DIAPH3: variants seen among roughly 807,000 people sequenced by gnomAD.
DIAPH3 encodes protein diaphanous homolog 3.
A neutral mutation model predicts 144.3 loss-of-function variants in DIAPH3; 117 were observed. That is an observed-to-expected ratio of 0.81 (90% CI 0.70 to 0.95). The LOEUF (loss-of-function observed/expected upper bound fraction) is 0.95. Among genes scored for constraint, DIAPH3 ranks in the 40% least tolerant of loss-of-function variants. The pLI is 0.00. For synonymous variants in DIAPH3, 519 were observed against 488.9 expected (o/e 1.06, Z -0.81); for missense variants, 1,421 against 1,412.7 (o/e 1.01, Z -0.09).
At chr13:60,147,202 C>T (rs1202124284) in intron 1 of DIAPH3, 1 of 152,126 alleles carries the variant, frequency 6.6e-6, no homozygotes, top group Non-Finnish European at 1.5e-5. Context: ...CCAAGAATAC[C>T]ATAGGAAAAT....
intron 25 of DIAPH3, among the ~76,000 whole-genome samples, chr13:59,796,567 T>A (rs1425019596): frequency 6.6e-6 from 1 of 152,216 alleles, no homozygotes; most frequent in East Asian, 1.9e-4. Context: ...AACTATGAGA[T>A]TCATAAATGA....
At chr13:60,137,665 A>G (rs1301583987) in intron 1 of DIAPH3, among the ~76,000 whole-genome samples, 3 of 151,300 alleles carry the variant, frequency 2.0e-5, no homozygotes, top group Non-Finnish European at 4.4e-5. Flanking sequence ...GCATCAATTT[A>G]TTATTATCAG....
chr13:59,969,295 T>C (rs1376480994), intron 17 of DIAPH3, among the ~76,000 whole-genome samples: 3 of 152,228 alleles, frequency 2.0e-5, no homozygotes, highest in Non-Finnish European at 4.4e-5. Context: ...CAGATACTTC[T>C]CTTTCAAGCT....
chr13:60,038,564 C>T (rs1039661326), intron 5 of DIAPH3, among the ~76,000 whole-genome samples: 1 of 152,066 alleles, frequency 6.6e-6, no homozygotes, highest in Non-Finnish European at 1.5e-5. Context: ...CTTGTTTTCA[C>T]GTAAACACAT....
intron 20 of DIAPH3, among the ~76,000 whole-genome samples, chr13:59,904,171 T>C (rs1566494045): frequency 1.3e-5 from 2 of 152,074 alleles, no homozygotes; most frequent in Non-Finnish European, 1.5e-5. Context: ...ACAAATTGTC[T>C]AGCAATGATG....
intron 17 of DIAPH3, among the ~76,000 whole-genome samples, chr13:59,959,100 T>A (rs1203956741): frequency 2.6e-5 from 4 of 152,090 alleles, no homozygotes; most frequent in African/African-American, 9.7e-5. Flanking sequence ...GGTTTCAAAT[T>A]CCTGACCTCA....
chr13:60,078,803 CAT>C (rs1305769041), intron 4 of DIAPH3, among the ~76,000 whole-genome samples: 2 of 151,588 alleles, frequency 1.3e-5, no homozygotes, highest in Non-Finnish European at 2.9e-5. Flanking sequence ...AGCTTAGTAA[CAT>C]ATAATCAACT....
At chr13:59,971,232 AAAAT>A (rs1272329280) in intron 15 of DIAPH3, 72 bp from the exon 16 acceptor site, 3 of 1,406,928 alleles carry the variant, frequency 2.1e-6, no homozygotes, top group Non-Finnish European at 2.9e-6. Flanking sequence ...ACTTTACTCA[AAAAT>A]AAGGCATTCA....
At chr13:59,674,192 T>A (rs2032525230) in intron 27 of DIAPH3, among the ~76,000 whole-genome samples, 1 of 152,236 alleles carries the variant, frequency 6.6e-6, no homozygotes, top group Non-Finnish European at 1.5e-5. Context: ...TGGCATAATA[T>A]CGATATGATC....
At chr13:59,892,765 C>T (rs1231534297) in intron 20 of DIAPH3, among the ~76,000 whole-genome samples, 1 of 151,880 alleles carries the variant, frequency 6.6e-6, no homozygotes, top group African/African-American at 2.4e-5. Context: ...TAGTAAGATG[C>T]TAGATTTAAA....
chr13:59,856,132 A>G (rs1267374533), intron 22 of DIAPH3, among the ~76,000 whole-genome samples: 2 of 152,172 alleles, frequency 1.3e-5, no homozygotes, highest in African/African-American at 4.8e-5. Context: ...CATACTTGCA[A>G]TTATTTCAAA....
chr13:59,761,416 C>T (rs1012426293), intron 27 of DIAPH3, among the ~76,000 whole-genome samples: 6 of 152,098 alleles, frequency 3.9e-5, no homozygotes, highest in African/African-American at 1.2e-4. Flanking sequence ...CAGAAGGGTA[C>T]CTTTGCTCTA....
chr13:59,764,773 T>TAG (rs1406247958), intron 27 of DIAPH3, among the ~76,000 whole-genome samples: 1 of 151,872 alleles, frequency 6.6e-6, no homozygotes, highest in Non-Finnish European at 1.5e-5. Context: ...AGGCATGGAA[T>TAG]AGATTCTCCC....
At chr13:60,094,122 C>G (rs578257565) in intron 3 of DIAPH3, among the ~76,000 whole-genome samples, 1 of 152,154 alleles carries the variant, frequency 6.6e-6, no homozygotes, top group Non-Finnish European at 1.5e-5. Context: ...AAGAGCTGCT[C>G]TGTGTGTCAT....
chr13:59,869,663 TA>T (rs1382492139), intron 21 of DIAPH3, among the ~76,000 whole-genome samples: 1 of 152,204 alleles, frequency 6.6e-6, no homozygotes, highest in African/African-American at 2.4e-5. Flanking sequence ...TTTTAAGAAA[TA>T]GCAAGGAGGT....
chr13:59,925,557 G>A (rs1164959054), intron 17 of DIAPH3, among the ~76,000 whole-genome samples: 2 of 152,132 alleles, frequency 1.3e-5, no homozygotes, highest in Admixed American at 6.6e-5. Flanking sequence ...TTAGTGTAAA[G>A]CTGGCCTTGT....
intron 5 of DIAPH3, among the ~76,000 whole-genome samples, chr13:60,032,141 C>T (rs2054846100): frequency 6.6e-6 from 1 of 152,176 alleles, no homozygotes; most frequent in African/African-American, 2.4e-5. Flanking sequence ...GCCCCTGTGG[C>T]TTTGCAGCGT....
At chr13:59,809,765 G>C (rs1484688194) in intron 25 of DIAPH3, among the ~76,000 whole-genome samples, 1 of 152,056 alleles carries the variant, frequency 6.6e-6, no homozygotes. Context: ...GCTTTAGTAA[G>C]CATAAAAATA....
intron 27 of DIAPH3, among the ~76,000 whole-genome samples, chr13:59,771,131 G>T (rs2038095945): frequency 6.6e-6 from 1 of 152,010 alleles, no homozygotes; most frequent in Admixed American, 6.6e-5. Context: ...TACTTTACCA[G>T]AATTTTTTTC....
Sources: gnomAD v4.1 joint callset for allele counts (sites outside exome capture counted in the v4.1 genomes callset) on GRCh38, gnomAD v4.1.1 for gene constraint, MANE v1.5 for transcripts, NCBI Gene and HGNC (gene_info 2026-07-23, HGNC 2026-07-21) for gene names.